The following STK3 variants were observed in gnomAD, a reference collection of about 807,000 sequenced individuals.
The protein encoded by STK3 is serine/threonine kinase 3.
Under a neutral mutation model 58.0 loss-of-function variants are expected in STK3, and 41 were observed. The ratio of observed to expected loss-of-function variants is 0.71; its 90% CI spans 0.55 to 0.92. The LOEUF (loss-of-function observed/expected upper bound fraction) is 0.92. STK3 is among the 40% of genes least tolerant of loss of function. STK3 has a pLI of 0.00. For synonymous variants in STK3, 170 were observed against 191.0 expected (o/e 0.89, Z 0.91); for missense variants, 479 against 602.7 (o/e 0.79, Z 2.15).
intron 1 of STK3, among the ~76,000 whole-genome samples, chr8:98,795,129 T>TATATATATATATAC (rs1288218080): frequency 2.1e-5 from 2 of 95,944 alleles, no homozygotes; most frequent in African/African-American, 8.3e-5. Context: ...TATATATATA[T>TATATATATATATAC]ACATACTAGT....
At chr8:98,493,558 T>A (rs138957813) in intron 10 of STK3, among the ~76,000 whole-genome samples, 69 of 152,338 alleles carry the variant, frequency 4.5e-4, no homozygotes, top group Non-Finnish European at 7.5e-4. Context: ...TTTCTTGAAA[T>A]GTTCTCCTCC....
intron 6 of STK3, among the ~76,000 whole-genome samples, chr8:98,640,040 C>CCTATT (rs576356984): frequency 5.6e-4 from 85 of 152,100 alleles, no homozygotes; most frequent in East Asian, 2.3e-3. Context: ...TTCCATATTC[C>CCTATT]CTATTCTATT....
chr8:98,521,650 T>G (rs1320782356), intron 10 of STK3, among the ~76,000 whole-genome samples: 1 of 152,164 alleles, frequency 6.6e-6, no homozygotes, highest in African/African-American at 2.4e-5. Flanking sequence ...TTTCACCCTC[T>G]GATCTGGATC....
At chr8:98,365,785 T>C in the STK3 span, among the ~76,000 whole-genome samples, 1 of 152,196 alleles carries the variant, frequency 6.6e-6, no homozygotes, top group East Asian at 1.9e-4. Flanking sequence ...TATCATCCTA[T>C]ACATAATATT....
chr8:98,483,508 G>C (rs1183886845), intron 10 of STK3, among the ~76,000 whole-genome samples: 1 of 152,172 alleles, frequency 6.6e-6, no homozygotes, highest in Non-Finnish European at 1.5e-5. Context: ...TTAGATGGGG[G>C]TGAGGAGGGA....
intron 6 of STK3, among the ~76,000 whole-genome samples, chr8:98,675,898 A>G (rs190917510): frequency 2.2e-3 from 339 of 152,244 alleles, no homozygotes; most frequent in African/African-American, 7.8e-3. Context: ...CTCAAACAGA[A>G]TATTTGTGTG....
chr8:98,428,612 T>C lies in STK3; in HGVS notation n.483+5515A>G, dbSNP rs1425830048. 6.2e-7 allele frequency: 1 copy of C among 1,614,140 alleles called. No homozygotes were observed. Among genetic ancestry groups the C allele is most frequent in the Admixed American group, 1.7e-5 (1 of 60,024 alleles). On this transcript the variant is annotated intron_variant and non_coding_transcript_variant, in intron 3 of 3. Transcript: ENST00000517832. This position sits in a 1 kb window ranked among gnomAD's most constrained non-coding sequence, Gnocchi z 6.7. ...CCATGTGCCTCAATAGCCTGCCCGA[T>C]TTCCAAATCCCTGACAGCCAGGGCA...
the STK3 span, among the ~76,000 whole-genome samples, chr8:98,356,824 A>C: frequency 6.6e-6 from 1 of 152,242 alleles, no homozygotes; most frequent in African/African-American, 2.4e-5. Context: ...AGTGGAAAGA[A>C]AGCAAAACCT....
In STK3 at chr8:98,937,535, G is replaced by A. The variant is rs111930357; in HGVS notation, c.-79+4843C>T. Among the ~76,000 whole-genome samples, 1,265 of 152,314 alleles carry A rather than the reference G, an allele frequency of 8.3e-3. 22 individuals carry two copies. The highest frequency in any genetic ancestry group is 0.029 in the African/African-American group (1,200 of 41,544). On this transcript the variant is annotated intron_variant, in intron 1 of 1. Transcript: ENST00000519420. ...TACTTTAACAATTTAACAAAACCAAGGGGATCCAACCTTAAAATTCCACCT... is the reference window on the plus strand; with the variant it reads ...TACTTTAACAATTTAACAAAACCAAAGGGATCCAACCTTAAAATTCCACCT...
At chr8:98,348,497 G>A in the STK3 span, among the ~76,000 whole-genome samples, 2 of 152,172 alleles carry the variant, frequency 1.3e-5, no homozygotes, top group African/African-American at 4.8e-5. Context: ...CAGATGGGGA[G>A]AAAATATTTG....
chr8:98,932,147 A>G (rs1296815286), intron 1 of STK3, among the ~76,000 whole-genome samples: 4 of 152,232 alleles, frequency 2.6e-5, no homozygotes, highest in Non-Finnish European at 5.9e-5. Context: ...AGAGTTTATC[A>G]TCTCAGATTG....
intron 10 of STK3, among the ~76,000 whole-genome samples, chr8:98,482,641 T>G (rs1821939078): frequency 6.6e-6 from 1 of 151,984 alleles, no homozygotes; most frequent in Admixed American, 6.6e-5. Flanking sequence ...GACCTCTGAC[T>G]GCTTGGTGCC....
chr8:98,620,465 A>AT (rs1476644019), intron 6 of STK3, among the ~76,000 whole-genome samples: 1 of 148,030 alleles, frequency 6.8e-6, no homozygotes, highest in South Asian at 2.1e-4. Flanking sequence ...TTAAAGTATA[A>AT]TAAAAAAAAT....
chr8:98,806,930 G>A (rs113580355), intron 1 of STK3, among the ~76,000 whole-genome samples: 26 of 152,158 alleles, frequency 1.7e-4, no homozygotes, highest in African/African-American at 2.2e-4. Flanking sequence ...CAAGGCAGGC[G>A]GATCACAAGG....
At chr8:98,379,745 C>T (rs1045427687) in intron 1 of STK3, among the ~76,000 whole-genome samples, 1 of 152,144 alleles carries the variant, frequency 6.6e-6, no homozygotes, top group Non-Finnish European at 1.5e-5. Context: ...ATTGGAAATA[C>T]ACAGAAAAGC....
intron 4 of STK3, among the ~76,000 whole-genome samples, chr8:98,711,178 A>T (rs1826397737): frequency 1.3e-5 from 2 of 152,324 alleles, no homozygotes; most frequent in South Asian, 4.1e-4. Context: ...AACCACAAAG[A>T]TGCAGAAAAA....
At chr8:98,858,339 G>GAGAC (rs1652030696) in intron 3 of STK3, among the ~76,000 whole-genome samples, 2 of 130,884 alleles carry the variant, frequency 1.5e-5, no homozygotes, top group African/African-American at 5.7e-5. Context: ...GAGAGAGAGA[G>GAGAC]AGAGAGAGAG....
rs528539887 is a variant in STK3 at position 98,926,468 on chromosome 8, T to C, written c.-79+15910A>G. On this transcript the variant is annotated intron_variant, in intron 1 of 1. Coordinates refer to the STK3 transcript ENST00000519420. ...CACTTATGGACCCTCAAGTTTATCATACCCCGTGATGCCCCCATATTAGTG... is the reference window on the plus strand; with the variant it reads ...CACTTATGGACCCTCAAGTTTATCACACCCCGTGATGCCCCCATATTAGTG... 1.6e-4 allele frequency among the ~76,000 whole-genome samples: 24 copies of C among 152,314 alleles called. No individual in the cohort carries two copies. The East Asian group carries it at 4.4e-3, about 28-fold the overall frequency.
chr8:98,763,715 C>G (rs781539733), intron 3 of STK3, among the ~76,000 whole-genome samples: 1 of 151,928 alleles, frequency 6.6e-6, no homozygotes, highest in Non-Finnish European at 1.5e-5. Flanking sequence ...CTCTGTCACC[C>G]AGGCTGGAGT....
Sources: gnomAD v4.1 joint callset for allele counts (sites outside exome capture counted in the v4.1 genomes callset) on GRCh38, gnomAD v4.1.1 for gene constraint, Gnocchi (gnomAD v3.1) non-coding constraint, MANE v1.5 for transcripts, NCBI Gene and HGNC (gene_info 2026-07-23, HGNC 2026-07-21) for gene names.